The following CHRD variants were observed in gnomAD, a reference collection of about 807,000 sequenced individuals.
CHRD encodes the protein chordin.
Under a neutral mutation model 113.7 loss-of-function variants are expected in CHRD, and 69 were observed. The ratio of observed to expected loss-of-function variants is 0.61; its 90% confidence interval spans 0.50 to 0.74. CHRD has a LOEUF of 0.74. CHRD is among the 30% of genes least tolerant of loss of function. The pLI is 0.00. For synonymous variants in CHRD, 561 were observed against 540.8 expected, an observed-to-expected ratio of 1.04 and a Z score of -0.52; for missense variants, 1,194 against 1,295.8, an observed-to-expected ratio of 0.92 and a Z score of 1.21.
rs539327743 is a variant in CHRD at position 184,381,485 on chromosome 3, C to T, written c.383-11C>T. 1.3e-5 allele frequency: 20 copies of T among 1,587,052 alleles called. No homozygotes were observed. The Admixed American group carries it at 1.9e-4, about 15-fold the overall frequency. ...CAGCTGAAGCCCGTGTTCTTACCCC[C>T]CCGCCCGCAGAGCGCAGCAGTTCGG... On this transcript the variant is annotated splice_polypyrimidine_tract_variant and intron_variant, in intron 3 of 22. Transcript: ENST00000204604. This position sits in a 1 kb window ranked among gnomAD's most constrained non-coding sequence, Gnocchi z 4.7.
In CHRD at chr3:184,381,905, C is replaced by A; in HGVS notation, c.612-28C>A. 1 of 1,613,628 alleles carries A rather than the reference C, an allele frequency of 6.2e-7. No homozygotes were observed. On this transcript the variant is annotated intron_variant, in intron 5 of 22. Transcript: ENST00000204604. This position sits in a 1 kb window ranked among gnomAD's most constrained non-coding sequence, Gnocchi z 4.7. ...TGGGAGGGGCTGCTTTTGGCTCAGT[C>A]CGGCCTCACCCGACCTCTCATTCCC... is the stretch of plus-strand genomic sequence containing the variant.
rs1436215929 is a variant in CHRD, at chr3:184,384,888, T to C, written c.1598-130T>C. ...TTCAAGGGTCTAAAACTTGCTGCTC[T>C]CCAGGCCCTGGACCTATGGACAGTG... On this transcript the variant is annotated intron_variant, in intron 13 of 22. Transcript: ENST00000204604. This position sits in a 1 kb window ranked among gnomAD's most constrained non-coding sequence, Gnocchi z 4.4. 3 of 1,221,430 alleles carry C rather than the reference T, an allele frequency of 2.5e-6. No individual in the cohort carries two copies. Among genetic ancestry groups the C allele is most frequent in the Non-Finnish European group, 3.5e-6 (3 of 865,152 alleles). The allele number at this position is 1,221,430 out of a possible 1,614,324, so 75.7% of individuals were successfully genotyped here.
At position 184,386,901 on chromosome 3, in the gene CHRD, G is replaced by A. The variant is rs757793402; in HGVS notation, c.2253G>A (p.Pro751=). 9.9e-6 allele frequency: 16 copies of A among 1,614,092 alleles called. No homozygotes were observed. In the East Asian group the frequency reaches 2.2e-4, roughly 22 times the overall value. The change falls in exon 17 of 23, where the codon CCG becomes CCA. Residue 751 remains proline (P), a synonymous_variant. Transcript: ENST00000204604. ...GCCCACCGCCCAGCTGCCCACACCCGGTGCAGGCTCCCGACCAGTGCTGCC... is the reference window on the plus strand; with the variant it reads ...GCCCACCGCCCAGCTGCCCACACCCAGTGCAGGCTCCCGACCAGTGCTGCC...
Position 184,381,301 on chromosome 3 carries a change from C to T in CHRD, c.319C>T (p.Pro107Ser). Residue 107 changes from proline to serine, a missense_variant, in exon 3 of 23, where the codon CCA (proline) becomes TCA (serine). Physicochemically the swap from Pro to Ser is moderately conservative, Grantham distance 74. Coordinates refer to ENST00000204604, the Ensembl canonical transcript of CHRD. The surrounding 1 kb of genome is among the most constrained non-coding windows in gnomAD (Gnocchi z 4.7). ...CTGCAAGAACATCAAACCAGAGTGCCCAACCCCGGCCTGTGGGCAGCCGCG... is the reference window on the plus strand; with the variant it reads ...CTGCAAGAACATCAAACCAGAGTGCTCAACCCCGGCCTGTGGGCAGCCGCG... 2 of 1,611,556 alleles carry T rather than the reference C, an allele frequency of 1.2e-6. No individual in the cohort carries two copies. The highest frequency in any genetic ancestry group is 1.7e-6 in the Non-Finnish European group (2 of 1,179,296).
In CHRD at chr3:184,381,790, C is replaced by T. The variant is rs763799901; in HGVS notation, c.586C>T (p.Leu196Phe). ...CCGAGTCTCGCTGCTGCGCTCTAGC[C>T]TCCGCTTCTCTATCTCCTACAGGCG... The change falls in exon 5 of 23, where the codon CTC becomes TTC. Residue 196 changes from leucine (L) to phenylalanine (F), a missense_variant. Physicochemically the swap from Leu to Phe is conservative, Grantham distance 22 (BLOSUM62 0). Transcript: ENST00000204604. The surrounding 1 kb of genome is among the most constrained non-coding windows in gnomAD (Gnocchi z 4.7). 3.7e-6 allele frequency: 6 copies of T among 1,613,350 alleles called. No homozygotes were observed. Among genetic ancestry groups the T allele is most frequent in the Middle Eastern group, 1.6e-4 (1 of 6,062 alleles).
At position 184,380,356 on chromosome 3, in the gene CHRD, T is replaced by C; in HGVS notation, c.38T>C (p.Leu13Pro). Residue 13 changes from leucine to proline, a missense_variant, in exon 1 of 23, where the codon CTC (leucine) becomes CCC (proline). Leu to Pro is a moderately conservative substitution (Grantham distance 98). Coordinates refer to ENST00000204604, the Ensembl canonical transcript of CHRD. This position sits in a 1 kb window ranked among gnomAD's most constrained non-coding sequence, Gnocchi z 6.3. ...CCGGCCCCGCCGGCCCCGCTGCTGCTCCTCGGGCTGCTGCTGCTCGGCTCC... is the reference window on the plus strand; with the variant it reads ...CCGGCCCCGCCGGCCCCGCTGCTGCCCCTCGGGCTGCTGCTGCTCGGCTCC... 1 of 1,340,490 alleles carries C rather than the reference T, an allele frequency of 7.5e-7. No homozygotes were observed. Among genetic ancestry groups the C allele is most frequent in the Non-Finnish European group, 9.7e-7 (1 of 1,034,494 alleles). The allele number at this position is 1,340,490 out of a possible 1,614,324, so 83.0% of individuals were successfully genotyped here.
At position 184,388,237 on chromosome 3, in the gene CHRD, G is replaced by GTCCGTCCA. The variant is rs1435633637; in HGVS notation, c.2554+207_2554+208insGTCCATCC. 8.0e-5 allele frequency among the ~76,000 whole-genome samples: 11 copies of GTCCGTCCA among 137,958 alleles called. No individual in the cohort carries two copies. The highest frequency in any genetic ancestry group is 1.6e-4 in the Non-Finnish European group (10 of 64,100). The allele number at this position is 137,958 out of a possible 152,430, so 90.5% of individuals were successfully genotyped here. On this transcript the variant is annotated intron_variant, in intron 20 of 22. Coordinates refer to ENST00000204604, the Ensembl canonical transcript of CHRD. The surrounding 1 kb of genome is among the most constrained non-coding windows in gnomAD (Gnocchi z 6.1). ...GTTCTGGTTCCTGCTCCATCCATCC[G>GTCCGTCCA]TCCATCCATCCATCCATCCATCCAT... is the stretch of plus-strand genomic sequence containing the variant.
exon 7 of CHRD, chr3:184,382,519 C>A (rs1379477596): frequency 6.2e-7 from 1 of 1,613,902 alleles, no homozygotes; most frequent in Admixed American, 1.7e-5. Flanking sequence ...CGGCACCGGG[C>A]CCTGGCTGCA....
At chr3:184,382,203 C>A in intron 6 of CHRD, 183 bp downstream of exon 6, 1 of 1,222,922 alleles carries the variant, frequency 8.2e-7, no homozygotes, top group Non-Finnish European at 1.2e-6. Context: ...CAAGGTCACA[C>A]AGCTAGTAAG....
In CHRD at chr3:184,381,196, C is replaced by T; in HGVS notation, c.253-39C>T. ...CTGGGGGGGTCTCATCAGTTGGCATCTTGCACTCACTTGGGTTTCCCGCCT... is the reference window on the plus strand; with the variant it reads ...CTGGGGGGGTCTCATCAGTTGGCATTTTGCACTCACTTGGGTTTCCCGCCT... On this transcript the variant is annotated intron_variant, in intron 2 of 22. Coordinates refer to ENST00000204604, the Ensembl canonical transcript of CHRD. This position sits in a 1 kb window ranked among gnomAD's most constrained non-coding sequence, Gnocchi z 4.7. The T allele has an allele frequency of 6.2e-7, 1 of 1,611,778 alleles. No individual in the cohort carries two copies. Among genetic ancestry groups the T allele is most frequent in the Non-Finnish European group, 8.5e-7 (1 of 1,179,560 alleles).
chr3:184,380,721 T>C lies in CHRD; in HGVS notation c.178T>C (p.Leu60=). 6.3e-7 allele frequency: 1 copy of C among 1,598,528 alleles called. No homozygotes were observed. The highest frequency in any genetic ancestry group is 8.5e-7 in the Non-Finnish European group (1 of 1,176,538). Residue 60 remains leucine (L), a synonymous_variant, in exon 2 of 23, where the codon TTG becomes CTG. Coordinates refer to ENST00000204604, the Ensembl canonical transcript of CHRD. The surrounding 1 kb of genome is among the most constrained non-coding windows in gnomAD (Gnocchi z 6.3). The stretch of plus-strand genomic sequence containing the variant: ...CACCTTCGGCGGGAAGGTCTATGCC[T>C]TGGACGAGACGTGGCACCCGGACCT...
Position 184,381,823 on chromosome 3 carries a change from A to G in CHRD, c.611+8A>G, listed in dbSNP as rs1363994794. The G allele has an allele frequency of 1.2e-6, 2 of 1,612,684 alleles. No homozygotes were observed. Among genetic ancestry groups the G allele is most frequent in the Non-Finnish European group, 1.7e-6 (2 of 1,179,540 alleles). On this transcript the variant is annotated splice_region_variant and intron_variant, in intron 5 of 22. Coordinates refer to ENST00000204604, the Ensembl canonical transcript of CHRD. The surrounding 1 kb of genome is among the most constrained non-coding windows in gnomAD (Gnocchi z 4.7). ...CTCTATCTCCTACAGGCGGTGAGAA[A>G]GGGGAAGGAGCAAGGAGGGGTCAGC...
In CHRD at chr3:184,388,524, G is replaced by T. The variant is rs1199027558; in HGVS notation, c.2555-63G>T. On this transcript the variant is annotated intron_variant, in intron 20 of 22. Coordinates refer to ENST00000204604, the Ensembl canonical transcript of CHRD. This position sits in a 1 kb window ranked among gnomAD's most constrained non-coding sequence, Gnocchi z 6.1. ...AACTGCAACGTGCTGGGTATTCAAA[G>T]AGAATACTCATAAAACCTTGTTGGT... 64 of 1,532,360 alleles carry T rather than the reference G, an allele frequency of 4.2e-5. No individual in the cohort carries two copies. Among genetic ancestry groups the T allele is most frequent in the Non-Finnish European group, 5.3e-5 (61 of 1,140,916 alleles). The allele number at this position is 1,532,360 out of a possible 1,614,324, so 94.9% of individuals were successfully genotyped here.
At chr3:184,382,486 G>A in exon 7 of CHRD, 1 of 1,614,064 alleles carries the variant, frequency 6.2e-7, no homozygotes, top group Non-Finnish European at 8.5e-7. Flanking sequence ...CACCCTTCAG[G>A]GGAGGTCTGG....
chr3:184,388,645 C>T lies in CHRD; in HGVS notation c.2613C>T (p.Gly871=). The T allele has an allele frequency of 6.2e-7, 1 of 1,613,688 alleles. No individual in the cohort carries two copies. The highest frequency in any genetic ancestry group is 8.5e-7 in the Non-Finnish European group (1 of 1,180,040). Residue 871 remains glycine (G), a synonymous_variant, in exon 21 of 23, where the codon GGC becomes GGT. Transcript: ENST00000204604. This position sits in a 1 kb window ranked among gnomAD's most constrained non-coding sequence, Gnocchi z 6.1. Reference sequence around the variant, plus strand: ...CCATGCAGGCTGATGGGCCCCGGGGCTGCCGTTTTGCTGGGCAGTGGTTCC... The same window carrying T: ...CCATGCAGGCTGATGGGCCCCGGGGTTGCCGTTTTGCTGGGCAGTGGTTCC...
At position 184,386,653 on chromosome 3, in the gene CHRD, GC is replaced by G. The variant is rs756866189; in HGVS notation, c.2098del (p.Arg700GlufsTer37). 1.9e-6 allele frequency: 3 copies of G among 1,611,024 alleles called. No homozygotes were observed. Among genetic ancestry groups the G allele is most frequent in the East Asian group, 2.2e-5 (1 of 44,868 alleles). ...CCGCCAAACCTGGTGGTCCTGGGCGGCCCCGAGACCCCAACACATGCTTCTT... is the reference window on the plus strand; with the variant it reads ...CCGCCAAACCTGGTGGTCCTGGGCGGCCCGAGACCCCAACACATGCTTCTT... On this transcript the variant is annotated frameshift_variant, in exon 16 of 23. Transcript: ENST00000204604. LOFTEE classifies it high-confidence loss of function.
At chr3:184,385,962 C>G in intron 14 of CHRD, 84 bp from the exon 15 acceptor site, 1 of 1,395,926 alleles carries the variant, frequency 7.2e-7, no homozygotes. Flanking sequence ...CTCCCTGGCT[C>G]TCAGTTTCTT....
rs768679995 is a variant in CHRD at position 184,385,995 on chromosome 3, G to C, written c.1819-51G>C. 2.5e-6 allele frequency: 4 copies of C among 1,578,814 alleles called. No individual in the cohort carries two copies. The Admixed American group carries it at 6.7e-5, about 26-fold the overall frequency. On this transcript the variant is annotated intron_variant, in intron 14 of 22. Transcript: ENST00000204604. Reference sequence around the variant, plus strand: ...CTTCATCTGTGAACTGGGGACAGTAGGCTCAGCCCTAAAGTGCCTTATTCC... The same window carrying C: ...CTTCATCTGTGAACTGGGGACAGTACGCTCAGCCCTAAAGTGCCTTATTCC...
In CHRD at chr3:184,380,685, C is replaced by T; in HGVS notation, c.149-7C>T. On this transcript the variant is annotated splice_polypyrimidine_tract_variant and splice_region_variant and intron_variant, in intron 1 of 22. Coordinates refer to ENST00000204604, the Ensembl canonical transcript of CHRD. The surrounding 1 kb of genome is among the most constrained non-coding windows in gnomAD (Gnocchi z 6.3). ...GCAGCGGCCTCCAGCCAAGCCCGTC[C>T]CCGCAGGCTGCACCTTCGGCGGGAA... 1 of 1,576,794 alleles carries T rather than the reference C, an allele frequency of 6.3e-7. No individual in the cohort carries two copies.
Sources: allele counts gnomAD v4.1 joint callset (sites outside exome capture counted in the v4.1 genomes callset), GRCh38; gene constraint gnomAD v4.1.1; non-coding constraint Gnocchi (gnomAD v3.1); transcripts MANE v1.5; gene names NCBI Gene and HGNC (gene_info 2026-07-23, HGNC 2026-07-21).